Variants in PDE10A observed in about 807,000 individuals in gnomAD.
PDE10A encodes the protein phosphodiesterase 10A.
Under a neutral mutation model 97.7 loss-of-function variants are expected in PDE10A, and 39 were observed. The observed-to-expected ratio is 0.40, with a 90% CI of 0.31 to 0.52. PDE10A has a LOEUF of 0.52. Among genes scored for constraint, PDE10A ranks in the 20% least tolerant of loss-of-function variants. PDE10A has a pLI of 0.56. For missense variants in PDE10A, 731 were observed against 1,047.8 expected, an observed-to-expected ratio of 0.70 and a Z score of 4.17; for synonymous variants, 371 against 376.8, an observed-to-expected ratio of 0.98 and a Z score of 0.18.
chr6:165,907,491 C>G (rs1385641497), intron 1 of PDE10A, among the ~76,000 whole-genome samples: 2 of 152,352 alleles, frequency 1.3e-5, no homozygotes, highest in African/African-American at 4.8e-5. Context: ...GAGCCGCACT[C>G]TCTCTGCAGA....
intron 5 of PDE10A, among the ~76,000 whole-genome samples, chr6:165,436,589 G>A (rs1790035398): frequency 6.6e-6 from 1 of 152,070 alleles, no homozygotes; most frequent in Non-Finnish European, 1.5e-5. Context: ...ATAGGGCTGT[G>A]CTTAAATTGT....
chr6:165,889,951 CTCCCTCCCTCA>C (rs1781741043), intron 1 of PDE10A, among the ~76,000 whole-genome samples: 1 of 97,228 alleles, frequency 1.0e-5, no homozygotes, highest in Non-Finnish European at 2.2e-5. Context: ...TCCCTCCCTC[CTCCCTCCCTCA>C]CTCCTCACTC....
At chr6:165,937,839 C>G (rs972009846) in intron 1 of PDE10A, among the ~76,000 whole-genome samples, 2 of 152,124 alleles carry the variant, frequency 1.3e-5, no homozygotes, top group Admixed American at 6.6e-5. Flanking sequence ...ACAAACTGAC[C>G]TTCTAATAAA....
At chr6:165,798,656 A>T (rs1306765169) in intron 1 of PDE10A, among the ~76,000 whole-genome samples, 1 of 152,174 alleles carries the variant, frequency 6.6e-6, no homozygotes, top group Non-Finnish European at 1.5e-5. Flanking sequence ...AAATCTTCAC[A>T]TGAAAAGATA....
chr6:165,380,246 T>C (rs1656468272), intron 17 of PDE10A, among the ~76,000 whole-genome samples: 1 of 152,228 alleles, frequency 6.6e-6, no homozygotes, highest in African/African-American at 2.4e-5. Context: ...ATTTCATTAT[T>C]GGTCAATATA....
intron 2 of PDE10A, among the ~76,000 whole-genome samples, chr6:165,533,892 GATA>G (rs1344104798): frequency 6.6e-6 from 1 of 152,054 alleles, no homozygotes; most frequent in African/African-American, 2.4e-5. Context: ...CATTATTCGT[GATA>G]ATATGACTTA....
chr6:165,828,637 G>A (rs1292179682), intron 1 of PDE10A, among the ~76,000 whole-genome samples: 1 of 152,224 alleles, frequency 6.6e-6, no homozygotes, highest in Non-Finnish European at 1.5e-5. Context: ...TGGATAAGCT[G>A]CAGTTTGAAA....
intron 7 of PDE10A, 62 bp downstream of exon 7, chr6:165,432,912 A>G: frequency 1.6e-6 from 2 of 1,218,392 alleles, no homozygotes; most frequent in Non-Finnish European, 2.4e-6. Flanking sequence ...CAATACTAAC[A>G]AGCACCTTCA....
intron 1 of PDE10A, among the ~76,000 whole-genome samples, chr6:165,840,872 T>A (rs1780240076): frequency 6.6e-6 from 1 of 152,258 alleles, no homozygotes; most frequent in African/African-American, 2.4e-5. Context: ...AGATTTTCTT[T>A]TCACTCCCCA....
At chr6:165,952,744 C>A (rs1784006331) in intron 1 of PDE10A, among the ~76,000 whole-genome samples, 1 of 152,198 alleles carries the variant, frequency 6.6e-6, no homozygotes, top group South Asian at 2.1e-4. Context: ...CCTCCGCATC[C>A]TCCAGCTATC....
intron 1 of PDE10A, among the ~76,000 whole-genome samples, chr6:165,880,818 A>T (rs1296822815): frequency 6.6e-6 from 1 of 152,252 alleles, no homozygotes; most frequent in African/African-American, 2.4e-5. Context: ...CAAGTGATTT[A>T]TCAAACCTTC....
At chr6:165,733,912 T>C (rs934232530) in intron 1 of PDE10A, among the ~76,000 whole-genome samples, 1 of 152,014 alleles carries the variant, frequency 6.6e-6, no homozygotes, top group African/African-American at 2.4e-5. Context: ...TATCAGCACC[T>C]CTAGTTATGG....
intron 1 of PDE10A, among the ~76,000 whole-genome samples, chr6:165,807,394 A>G (rs1779168462): frequency 6.6e-6 from 1 of 152,152 alleles, no homozygotes; most frequent in Admixed American, 6.5e-5. Context: ...AAACAGATGC[A>G]GGGCTCCAGG....
At chr6:165,610,763 T>C (rs909114053) in intron 1 of PDE10A, among the ~76,000 whole-genome samples, 3 of 152,200 alleles carry the variant, frequency 2.0e-5, no homozygotes, top group Admixed American at 2.0e-4. Context: ...AACTTTTCTG[T>C]ATAAGTTCCA....
intron 6 of PDE10A, among the ~76,000 whole-genome samples, chr6:165,434,574 G>C (rs1033092880): frequency 6.6e-6 from 1 of 152,182 alleles, no homozygotes. Flanking sequence ...CTGTCTACGT[G>C]ATTTGCTCTG....
intron 2 of PDE10A, among the ~76,000 whole-genome samples, chr6:165,500,263 A>G (rs1390342454): frequency 6.6e-6 from 1 of 151,848 alleles, no homozygotes; most frequent in Non-Finnish European, 1.5e-5. Context: ...AAAACTGACT[A>G]CTCACAGATG....
intron 1 of PDE10A, among the ~76,000 whole-genome samples, chr6:165,839,958 T>TTC (rs1562762722): frequency 8.6e-6 from 1 of 116,056 alleles, no homozygotes. Context: ...CATCCCCATC[T>TTC]ACATCTCTGT....
chr6:165,558,858 G>A (rs541164711), intron 1 of PDE10A, among the ~76,000 whole-genome samples: 59 of 152,230 alleles, frequency 3.9e-4, no homozygotes, highest in Middle Eastern at 3.4e-3. Context: ...TATAAATGAC[G>A]AGTTAATGAG....
chr6:165,384,876 T>G (rs897455019), intron 17 of PDE10A, among the ~76,000 whole-genome samples: 6 of 152,088 alleles, frequency 3.9e-5, no homozygotes, highest in African/African-American at 1.2e-4. Flanking sequence ...TGAAGATGCC[T>G]GATGAGGAAC....
Sources: gnomAD v4.1 joint callset for allele counts (sites outside exome capture counted in the v4.1 genomes callset) on GRCh38, gnomAD v4.1.1 for gene constraint, MANE v1.5 for transcripts, NCBI Gene and HGNC (gene_info 2026-07-23, HGNC 2026-07-21) for gene names.